The following TLN2 variants were observed in gnomAD, a reference collection of about 807,000 sequenced individuals.
TLN2 encodes the protein talin-2.
Under a neutral mutation model 294.7 loss-of-function variants are expected in TLN2, and 118 were observed. The ratio of observed to expected loss-of-function variants is 0.40; its 90% CI spans 0.34 to 0.47. The LOEUF is 0.47. Among genes scored for constraint, TLN2 ranks in the 20% least tolerant of loss-of-function variants. The pLI is 0.84. For missense variants in TLN2, 3,083 were observed against 3,282.2 expected (o/e 0.94, Z 1.48); for synonymous variants, 1,431 against 1,304.5 (o/e 1.10, Z -2.09).
chr15:62,421,296 C>A (rs2140271883), intron 1 of TLN2, among the ~76,000 whole-genome samples: 1 of 152,230 alleles, frequency 6.6e-6, no homozygotes, highest in Admixed American at 6.5e-5. Context: ...TTGGCCTTCC[C>A]AAGTGCTGAG....
intron 5 of TLN2, 81 bp from the exon 6 acceptor site, chr15:62,651,924 T>A: frequency 7.0e-7 from 1 of 1,425,764 alleles, no homozygotes; most frequent in Non-Finnish European, 9.3e-7. Flanking sequence ...TTTTTAAAAT[T>A]CATTTTTTAA....
intron 51 of TLN2, among the ~76,000 whole-genome samples, chr15:62,808,339 T>C (rs1479537858): frequency 6.6e-6 from 1 of 152,234 alleles, no homozygotes; most frequent in Non-Finnish European, 1.5e-5. Flanking sequence ...CAAAATACCC[T>C]TAATGAATAT....
chr15:62,794,085 G>A (rs1389231168), intron 46 of TLN2, among the ~76,000 whole-genome samples: 1 of 152,100 alleles, frequency 6.6e-6, no homozygotes, highest in Non-Finnish European at 1.5e-5. Context: ...CCCATAAAAG[G>A]CCTTATAGCG....
intron 45 of TLN2, among the ~76,000 whole-genome samples, chr15:62,788,679 GT>G (rs1329027778): frequency 6.6e-6 from 1 of 152,222 alleles, no homozygotes; most frequent in African/African-American, 2.4e-5. Context: ...ATAAGCGAAT[GT>G]TCCAAGTAAG....
At position 62,771,001 on chromosome 15, in the gene TLN2, T is replaced by C; in HGVS notation, c.5234T>C (p.Leu1745Ser). 3 of 1,613,586 alleles carry C rather than the reference T, an allele frequency of 1.9e-6. No homozygotes were observed. The highest frequency in any genetic ancestry group is 1.7e-6 in the Non-Finnish European group (2 of 1,179,888). The change falls in exon 42 of 59, where the codon TTA becomes TCA. Residue 1745 changes from leucine to serine, a missense_variant. By Grantham distance (145) the Leu-to-Ser change is moderately radical. Coordinates refer to ENST00000636159, the MANE Select transcript of TLN2 (RefSeq NM_015059.3). ...QLASYFEPLI[L>S]AAVGVASKIL... is the part of the protein sequence containing the mutation. Reference sequence around the variant, plus strand: ...GCAAGCTATTTTGAGCCCTTGATCTTAGCCGCAGTTGGTGTGGCCTCCAAG... The same window carrying C: ...GCAAGCTATTTTGAGCCCTTGATCTCAGCCGCAGTTGGTGTGGCCTCCAAG...
At chr15:62,426,311 A>G (rs1351593069) in intron 1 of TLN2, among the ~76,000 whole-genome samples, 1 of 152,216 alleles carries the variant, frequency 6.6e-6, no homozygotes, top group Non-Finnish European at 1.5e-5. Context: ...TAAATGTTTC[A>G]GCAGGCATTT....
chr15:62,578,709 G>A (rs181939947), intron 1 of TLN2, among the ~76,000 whole-genome samples: 1 of 152,266 alleles, frequency 6.6e-6, no homozygotes, highest in Admixed American at 6.5e-5. Flanking sequence ...ATGTGGGGAG[G>A]GGGGTAAAGT....
chr15:62,676,615 A>G (rs112375900), intron 11 of TLN2, among the ~76,000 whole-genome samples: 6 of 152,002 alleles, frequency 3.9e-5, no homozygotes, highest in African/African-American at 1.4e-4. Context: ...TACTACTACT[A>G]TCTTCTTTTG....
At position 62,652,097 on chromosome 15, in the gene TLN2, T is replaced by TGTG; in HGVS notation, c.329_331dup (p.Val110dup). 1 of 1,608,192 alleles carries TGTG rather than the reference T, an allele frequency of 6.2e-7. No homozygotes were observed. Among genetic ancestry groups the TGTG allele is most frequent in the Non-Finnish European group, 8.5e-7 (1 of 1,176,674 alleles). On this transcript the variant is annotated inframe_insertion, in exon 6 of 59. Transcript: ENST00000636159. The stretch of plus-strand genomic sequence containing the variant: ...CAGTGATGGTGGATGATTCCAAGAC[T>TGTG]GTGGGGGAGCTCCTGGTCACTATTT...
chr15:62,782,605 C>T (rs1018413031), intron 44 of TLN2, among the ~76,000 whole-genome samples: 1 of 152,212 alleles, frequency 6.6e-6, no homozygotes, highest in Non-Finnish European at 1.5e-5. Context: ...AGGCCCTTCT[C>T]ACCCCGTCAG....
At chr15:62,540,589 G>A (rs879398964) in intron 1 of TLN2, among the ~76,000 whole-genome samples, 19 of 152,206 alleles carry the variant, frequency 1.2e-4, no homozygotes, top group Middle Eastern at 3.4e-3. Context: ...AAGAAGGCAG[G>A]AGGTGAGAAA....
chr15:62,493,611 C>T lies in TLN2; in HGVS notation c.-237-96076C>T, dbSNP rs374073092. Among the ~76,000 whole-genome samples the T allele has an allele frequency of 3.3e-5, 5 of 151,912 alleles. 1 individual carries two copies. The East Asian group carries it at 7.8e-4, about 24-fold the overall frequency. On this transcript the variant is annotated intron_variant, in intron 1 of 58. Coordinates refer to ENST00000636159, the MANE Select transcript of TLN2 (RefSeq NM_015059.3). ...TGGCCCAACACCATGGAGGTTCCCCCCCGCCGCTTTTTTTTTTGAGATGGA... is the reference window on the plus strand; with the variant it reads ...TGGCCCAACACCATGGAGGTTCCCCTCCGCCGCTTTTTTTTTTGAGATGGA...
intron 2 of TLN2, among the ~76,000 whole-genome samples, chr15:62,607,846 C>G (rs142842989): frequency 1.3e-5 from 2 of 152,196 alleles, no homozygotes; most frequent in Non-Finnish European, 2.9e-5. Flanking sequence ...ATTAGTGGAA[C>G]TGAGTCATGC....
At chr15:62,585,033 G>A (rs1034589744) in intron 1 of TLN2, among the ~76,000 whole-genome samples, 6 of 152,170 alleles carry the variant, frequency 3.9e-5, no homozygotes, top group African/African-American at 1.4e-4. Flanking sequence ...TCAGGGCAAA[G>A]CCTGAGTGTG....
intron 1 of TLN2, among the ~76,000 whole-genome samples, chr15:62,559,297 C>T (rs1044666018): frequency 5.9e-5 from 9 of 152,092 alleles, no homozygotes; most frequent in South Asian, 2.1e-4. Context: ...CCCAGTTCTG[C>T]GTGGGCTACA....
chr15:62,705,775 G>C (rs1238916521), intron 19 of TLN2, among the ~76,000 whole-genome samples: 1 of 152,242 alleles, frequency 6.6e-6, no homozygotes, highest in Non-Finnish European at 1.5e-5. Flanking sequence ...TAAAAGTTGT[G>C]TGGTAGACAA....
intron 52 of TLN2, among the ~76,000 whole-genome samples, chr15:62,811,898 G>C (rs1178605084): frequency 6.6e-6 from 1 of 151,942 alleles, no homozygotes; most frequent in Non-Finnish European, 1.5e-5. Flanking sequence ...TGTAATCCTA[G>C]CTACTCAGGA....
intron 9 of TLN2, among the ~76,000 whole-genome samples, chr15:62,672,063 C>T (rs2055496049): frequency 6.6e-6 from 1 of 152,154 alleles, no homozygotes; most frequent in Admixed American, 6.5e-5. Flanking sequence ...TCAAATCCAT[C>T]AATCTATTAA....
intron 4 of TLN2, 78 bp downstream of exon 4, chr15:62,647,524 C>T (rs371712298): frequency 3.1e-6 from 5 of 1,591,838 alleles, no homozygotes; most frequent in Middle Eastern, 3.3e-4. Flanking sequence ...GACAGAGGCT[C>T]CAAGTGGTAC....
Sources: gnomAD v4.1 joint callset for allele counts (sites outside exome capture counted in the v4.1 genomes callset) on GRCh38, gnomAD v4.1.1 for gene constraint, MANE v1.5 for transcripts, NCBI Gene and HGNC (gene_info 2026-07-23, HGNC 2026-07-21) for gene names.